The following TRPM4 variants were observed in gnomAD, a reference collection of about 807,000 sequenced individuals.
TRPM4 encodes transient receptor potential cation channel subfamily M member 4.
Under a neutral mutation model 135.6 loss-of-function variants are expected in TRPM4, and 124 were observed. The ratio of observed to expected loss-of-function variants is 0.91; its 90% CI spans 0.79 to 1.06. TRPM4 has a LOEUF of 1.06. Ranked by LOEUF, TRPM4 falls within the 50% of genes least tolerant of loss-of-function variation. The pLI is 0.00. For synonymous variants in TRPM4, 745 were observed against 705.6 expected, an observed-to-expected ratio of 1.06 and a Z score of -0.88; for missense variants, 1,658 against 1,671.4, an observed-to-expected ratio of 0.99 and a Z score of 0.14.
Position 49,200,362 on chromosome 19 carries a change from C to T in TRPM4, c.2708C>T (p.Thr903Met), listed in dbSNP as rs751548436. 4.3e-6 allele frequency: 7 copies of T among 1,613,008 alleles called. No homozygotes were observed. The African/African-American group carries it at 5.3e-5, about 12-fold the overall frequency. Reference protein sequence around the residue: ...TVLCIDFMVFTVRLLHIFTVN... With the variant: ...TVLCIDFMVFMVRLLHIFTVN... ...CTCTGCATCGACTTCATGGTTTTCA[C>T]GGTGCGGCTGCTTCACATCTTCACG... Residue 903 changes from threonine (T) to methionine (M), a missense_variant, in exon 18 of 25, where the codon ACG becomes ATG. Physicochemically the swap from Thr to Met is moderately conservative, Grantham distance 81 (BLOSUM62 -1). Coordinates refer to ENST00000252826, the MANE Select transcript of TRPM4 (RefSeq NM_017636.4).
chr19:49,175,018 C>G (rs541439430), intron 9 of TRPM4, among the ~76,000 whole-genome samples: 3 of 150,306 alleles, frequency 2.0e-5, no homozygotes, highest in African/African-American at 7.4e-5. Flanking sequence ...ATCCTCTCAC[C>G]TCAGCCCCAC....
chr19:49,192,228 C>T (rs1269298556), intron 16 of TRPM4, among the ~76,000 whole-genome samples: 1 of 152,144 alleles, frequency 6.6e-6, no homozygotes, highest in East Asian at 1.9e-4. Context: ...CTGCAACCTC[C>T]GCCTCCTGAG....
intron 3 of TRPM4, among the ~76,000 whole-genome samples, chr19:49,166,858 G>T (rs1390122348): frequency 1.6e-5 from 2 of 123,682 alleles, no homozygotes; most frequent in African/African-American, 6.2e-5. Flanking sequence ...CTCTCTCTGG[G>T]TCTGTTTCCC....
At chr19:49,192,075 T>TA (rs1206429831) in intron 16 of TRPM4, among the ~76,000 whole-genome samples, 1 of 152,246 alleles carries the variant, frequency 6.6e-6, no homozygotes, top group Non-Finnish European at 1.5e-5. Flanking sequence ...ATCACTATGC[T>TA]ATGGTTGCCG....
At chr19:49,164,888 AATTTTATTTT>A (rs200452646) in intron 2 of TRPM4, among the ~76,000 whole-genome samples, 2 of 151,598 alleles carry the variant, frequency 1.3e-5, no homozygotes, top group African/African-American at 4.8e-5. Context: ...ACACCTGGCT[AATTTTATTTT>A]ATTTTATTTT....
rs116946449 is a variant in TRPM4 at position 49,175,436 on chromosome 19, T to C, written c.1150+3328T>C. ...GTTGCCCAGGCTGGTCTCGAACTCC[T>C]GGGCTAAAGCTATCTGCCCATCTCG... On this transcript the variant is annotated intron_variant, in intron 9 of 24. Transcript: ENST00000252826. 3.1e-3 allele frequency among the ~76,000 whole-genome samples: 477 copies of C among 151,810 alleles called. 1 individual carries two copies. The highest frequency in any genetic ancestry group is 0.017 in the Middle Eastern group (5 of 294).
In TRPM4 at chr19:49,175,067, CTTT is replaced by C. The variant is rs772062913; in HGVS notation, c.1150+2982_1150+2984del. Reference sequence around the variant, plus strand: ...CACAGGCATGTGCCATCATGCCTGGCTTTTTTTTTTTTTTTTTTTTTTTTTGAG... The same window carrying C: ...CACAGGCATGTGCCATCATGCCTGGCTTTTTTTTTTTTTTTTTTTTTTGAG... On this transcript the variant is annotated intron_variant, in intron 9 of 24. Transcript: ENST00000252826. Among the ~76,000 whole-genome samples the C allele has an allele frequency of 2.1e-4, 16 of 77,584 alleles. 1 individual carries two copies. The East Asian group carries it at 2.5e-3, about 12-fold the overall frequency. The allele number at this position is 77,584 out of a possible 152,430, so 50.9% of individuals were successfully genotyped here.
Position 49,210,981 on chromosome 19 carries a change from C to CG in TRPM4, c.3462-31dup. 1.6e-6 allele frequency: 1 copy of CG among 635,636 alleles called. No homozygotes were observed. The highest frequency in any genetic ancestry group is 2.8e-6 in the Non-Finnish European group (1 of 361,440). The allele number at this position is 635,636 out of a possible 1,614,324, so 39.4% of individuals were successfully genotyped here. A position where few individuals can be genotyped will look rare whatever the true frequency, so the allele number is the denominator to read the frequency against. On this transcript the variant is annotated intron_variant, in intron 22 of 24. Coordinates refer to ENST00000252826, the MANE Select transcript of TRPM4 (RefSeq NM_017636.4). This position sits in a 1 kb window ranked among gnomAD's most constrained non-coding sequence, Gnocchi z 4.1. ...CAGAGCCCTGGGGGTGGGTGGGCTG[C>CG]GGGTGCCCCCGGTAAGAGGCCCTCC...
intron 3 of TRPM4, among the ~76,000 whole-genome samples, chr19:49,167,406 A>C (rs925545229): frequency 3.0e-5 from 1 of 33,360 alleles, no homozygotes; most frequent in Admixed American, 3.7e-4. Context: ...TTTCCCCTTT[A>C]CTCTGGGTTT....
chr19:49,158,618 T>TCATTCATC (rs1555748828), intron 2 of TRPM4: 6 of 187,746 alleles, frequency 3.2e-5, no homozygotes, highest in African/African-American at 1.7e-4. Context: ...ATTCATTCAT[T>TCATTCATC]CATCCATCCA....
chr19:49,163,784 T>C (rs1668264603), intron 2 of TRPM4, among the ~76,000 whole-genome samples: 1 of 152,224 alleles, frequency 6.6e-6, no homozygotes, highest in Admixed American at 6.5e-5. Context: ...CAGCCGTCCT[T>C]GAAGTTTTGC....
At chr19:49,208,331 C>CGG (rs1969226157) in intron 20 of TRPM4, among the ~76,000 whole-genome samples, 1 of 151,900 alleles carries the variant, frequency 6.6e-6, no homozygotes, top group Non-Finnish European at 1.5e-5. Context: ...TAAACTCCCC[C>CGG]GGGGAAAGGG....
At position 49,190,759 on chromosome 19, in the gene TRPM4, G is replaced by C. The variant is rs750707633; in HGVS notation, c.2196G>C (p.Gly732=). 2 of 1,614,158 alleles carry C rather than the reference G, an allele frequency of 1.2e-6. No homozygotes were observed. Among genetic ancestry groups the C allele is most frequent in the Non-Finnish European group, 1.7e-6 (2 of 1,180,040 alleles). ...LEFDMDSVIN[G]EGPVGTADPA... Reference sequence around the variant, plus strand: ...TTGACATGGATAGTGTCATTAATGGGGAAGGGCCTGTCGGGTGAGTGGAGC... The same window carrying C: ...TTGACATGGATAGTGTCATTAATGGCGAAGGGCCTGTCGGGTGAGTGGAGC... The change falls in exon 16 of 25, where the codon GGG becomes GGC. Residue 732 remains glycine (G), a synonymous_variant. Coordinates refer to ENST00000252826, the MANE Select transcript of TRPM4 (RefSeq NM_017636.4).
intron 9 of TRPM4, among the ~76,000 whole-genome samples, chr19:49,174,888 T>C (rs554491932): frequency 1.3e-5 from 2 of 151,758 alleles, no homozygotes; most frequent in South Asian, 2.1e-4. Context: ...AGGGTCATTT[T>C]TGGTGTCAGA....
At chr19:49,191,305 C>G (rs985525895) in intron 16 of TRPM4, among the ~76,000 whole-genome samples, 7 of 150,898 alleles carry the variant, frequency 4.6e-5, no homozygotes, top group African/African-American at 1.7e-4. Context: ...TCCTGGGTTC[C>G]TGATCAGCCT....
At chr19:49,193,080 G>GT (rs1555758685) in intron 16 of TRPM4, among the ~76,000 whole-genome samples, 3,908 of 132,758 alleles carry the variant, frequency 0.029, 137 homozygotes, top group African/African-American at 0.072. Context: ...AAATCAGTTG[G>GT]TTTTTTTTTT....
rs1170331618 is a variant in TRPM4, at chr19:49,182,706, C to T, written c.1392C>T (p.Tyr464=). The change falls in exon 11 of 25, where the codon TAC becomes TAT. Residue 464 remains tyrosine, a synonymous_variant. Transcript: ENST00000252826. ...CCCCGATGCGCCTGGCCCAACTCTA[C>T]AGCGCGGCGCCCTCCAACTCGCTCA... ...FLTPMRLAQL[Y]SAAPSNSLIR... 1.9e-6 allele frequency: 3 copies of T among 1,614,074 alleles called. No individual in the cohort carries two copies. The highest frequency in any genetic ancestry group is 2.2e-5 in the East Asian group (1 of 44,878).
intron 6 of TRPM4, among the ~76,000 whole-genome samples, chr19:49,170,291 C>A (rs1031122537): frequency 2.6e-5 from 4 of 151,928 alleles, no homozygotes; most frequent in African/African-American, 9.7e-5. Context: ...TAGGTTCAAG[C>A]GTTTTTCCTG....
At position 49,188,735 on chromosome 19, in the gene TRPM4, A is replaced by C; in HGVS notation, c.1838A>C (p.Lys613Thr). 1 of 1,614,212 alleles carries C rather than the reference A, an allele frequency of 6.2e-7. No homozygotes were observed. Among genetic ancestry groups the C allele is most frequent in the Middle Eastern group, 1.6e-4 (1 of 6,062 alleles). ...EPDAEEAARR[K>T]DLAFKFEGMG... Reference sequence around the variant, plus strand: ...GACGCTGAGGAGGCAGCACGGAGGAAAGACCTGGCGTTCAAGTTTGAGGGG... The same window carrying C: ...GACGCTGAGGAGGCAGCACGGAGGACAGACCTGGCGTTCAAGTTTGAGGGG... The change falls in exon 13 of 25, where the codon AAA becomes ACA. Residue 613 changes from lysine to threonine, a missense_variant. Transcript: ENST00000252826.
Sources: gnomAD v4.1 joint callset for allele counts (sites outside exome capture counted in the v4.1 genomes callset) on GRCh38, gnomAD v4.1.1 for gene constraint, Gnocchi (gnomAD v3.1) non-coding constraint, MANE v1.5 for transcripts, NCBI Gene and HGNC (gene_info 2026-07-23, HGNC 2026-07-21) for gene names.